Variants in RNF216 observed in about 807,000 individuals in gnomAD.
RNF216 encodes ring finger protein 216.
RNF216 carries 72 observed loss-of-function variants against 110.8 expected under a neutral mutation model. That is an observed-to-expected ratio of 0.65 (90% CI 0.54 to 0.79). RNF216 has a LOEUF of 0.79. Among genes scored for constraint, RNF216 ranks in the 30% least tolerant of loss-of-function variants. The probability of loss-of-function intolerance (pLI) is 0.00; values close to 1 mark genes in which losing one functional copy is unlikely to be tolerated. For missense variants in RNF216, 1,342 were observed against 1,141.2 expected, an observed-to-expected ratio of 1.18 and a Z score of -2.54; for synonymous variants, 495 against 407.5, an observed-to-expected ratio of 1.21 and a Z score of -2.59.
At chr7:5,662,266 G>A (rs921935440) in intron 13 of RNF216, among the ~76,000 whole-genome samples, 1 of 152,226 alleles carries the variant, frequency 6.6e-6, no homozygotes. Context: ...GTGTGAGGAA[G>A]TAGCTGTTCC....
intron 5 of RNF216, among the ~76,000 whole-genome samples, chr7:5,737,168 T>A (rs1158517348): frequency 6.6e-6 from 1 of 152,364 alleles, no homozygotes; most frequent in South Asian, 2.1e-4. Flanking sequence ...TCCATTTTGT[T>A]CTGTACTAAG....
At chr7:5,632,371 C>A (rs539295809) in intron 15 of RNF216, among the ~76,000 whole-genome samples, 1 of 152,198 alleles carries the variant, frequency 6.6e-6, no homozygotes, top group African/African-American at 2.4e-5. Context: ...TCCTTCTGGC[C>A]CCTCCTAATC....
chr7:5,779,890 G>A (rs188717925), intron 1 of RNF216: 6 of 151,162 alleles, frequency 4.0e-5, no homozygotes, highest in East Asian at 1.9e-4. Flanking sequence ...AGGAGCTGAC[G>A]GGACATACTA....
At chr7:5,701,832 G>T (rs184485277) in intron 13 of RNF216, among the ~76,000 whole-genome samples, 6 of 152,284 alleles carry the variant, frequency 3.9e-5, no homozygotes, top group African/African-American at 1.4e-4. Flanking sequence ...GGCTTCAAAA[G>T]AACTGTTGAA....
intron 1 of RNF216, among the ~76,000 whole-genome samples, chr7:5,766,142 T>C (rs1796196750): frequency 6.6e-6 from 1 of 151,600 alleles, no homozygotes; most frequent in Non-Finnish European, 1.5e-5. Context: ...ATTAAAAAAC[T>C]AGCTGCGCGG....
At position 5,748,602 on chromosome 7, in the gene RNF216, TTA is replaced by T. The variant is rs914308002; in HGVS notation, c.201+4242_201+4243del. On this transcript the variant is annotated intron_variant, in intron 3 of 16. Transcript: ENST00000389902. ...TTATTATAAGAATGCAGTATATTTT[TTA>T]TATACATACACACACACACACACAC... is the stretch of plus-strand genomic sequence containing the variant. Among the ~76,000 whole-genome samples, 16 of 123,182 alleles carry T rather than the reference TTA, an allele frequency of 1.3e-4. No homozygotes were observed. In the East Asian group the frequency reaches 2.2e-3, roughly 17 times the overall value. 80.8% of individuals were successfully genotyped at this position (123,182 alleles called of 152,430 possible). A position where few individuals can be genotyped will look rare whatever the true frequency, so the allele number is the denominator to read the frequency against.
rs1000799876 is a variant in RNF216 at position 5,622,619 on chromosome 7, G to A, written c.*241C>T. 4.2e-5 allele frequency: 21 copies of A among 505,972 alleles called. No homozygotes were observed. The highest frequency in any genetic ancestry group is 1.9e-4 in the East Asian group (6 of 31,794). The allele number at this position is 505,972 out of a possible 1,614,324, so 31.3% of individuals were successfully genotyped here. A position where few individuals can be genotyped will look rare whatever the true frequency, so the allele number is the denominator to read the frequency against. Reference sequence around the variant, plus strand: ...GCCGTTGGTGGCCTGGGGGATGCGAGGGGAGGGGCAGTTCACATCGCAGCT... The same window carrying A: ...GCCGTTGGTGGCCTGGGGGATGCGAAGGGAGGGGCAGTTCACATCGCAGCT... On this transcript the variant is annotated 3_prime_UTR_variant, in exon 17 of 17. Coordinates refer to ENST00000389902, the MANE Select transcript of RNF216 (RefSeq NM_207111.4).
At chr7:5,698,827 C>T (rs1478163647) in intron 13 of RNF216, among the ~76,000 whole-genome samples, 8 of 152,174 alleles carry the variant, frequency 5.3e-5, no homozygotes, top group African/African-American at 1.9e-4. Flanking sequence ...GGATGAAGAG[C>T]TCTTTAACCT....
chr7:5,778,295 C>G (rs1796893639), intron 1 of RNF216, among the ~76,000 whole-genome samples: 2 of 152,192 alleles, frequency 1.3e-5, no homozygotes, highest in Admixed American at 6.6e-5. Context: ...CTAAACTACT[C>G]TTCTTCACTG....
intron 13 of RNF216, among the ~76,000 whole-genome samples, chr7:5,687,840 A>C (rs1401177253): frequency 6.6e-6 from 1 of 152,202 alleles, no homozygotes; most frequent in Non-Finnish European, 1.5e-5. Context: ...CAGACAACCC[A>C]GTGGGTGAGG....
chr7:5,641,162 C>T lies in RNF216; in HGVS notation c.2374G>A (p.Asp792Asn), dbSNP rs1012568298. 12 of 1,611,828 alleles carry T rather than the reference C, an allele frequency of 7.4e-6. No individual in the cohort carries two copies. The highest frequency in any genetic ancestry group is 1.7e-5 in the Admixed American group (1 of 59,930). ...GCCATGTGTCTACTTACAGTGGGAT[C>T]GGTCCAGAGAGAGCATCTTGAACAC... Reference protein sequence around the residue: ...QECSRCSLWTDPTEDDEKLIE... With the variant: ...QECSRCSLWTNPTEDDEKLIE... Residue 792 changes from aspartate (D) to asparagine (N), a missense_variant, in exon 15 of 17, where the codon GAT becomes AAT. Transcript: ENST00000389902.
chr7:5,676,200 T>G (rs755840464), intron 13 of RNF216, among the ~76,000 whole-genome samples: 8 of 151,530 alleles, frequency 5.3e-5, no homozygotes, highest in Admixed American at 2.0e-4. Context: ...TTAGGAGAGA[T>G]AGGGTTTTGC....
rs1468069520 is a variant in RNF216, at chr7:5,741,637, G to C, written c.380C>G (p.Ser127Cys). ...PLFDSGAQDD[S>C]EDDYGEFLDL... ...CAGAAATTCACCGTAGTCATCCTCA[G>C]AATCATCCTGTGCCCCAGAATCAAA... The change falls in exon 4 of 17, where the codon TCT (serine) becomes TGT (cysteine). Residue 127 changes from serine (S) to cysteine (C), a missense_variant. Transcript: ENST00000389902. 6.2e-7 allele frequency: 1 copy of C among 1,614,028 alleles called. No individual in the cohort carries two copies. The highest frequency in any genetic ancestry group is 1.7e-5 in the Admixed American group (1 of 59,982).
At chr7:5,665,835 C>T (rs942490751) in intron 13 of RNF216, among the ~76,000 whole-genome samples, 13 of 151,992 alleles carry the variant, frequency 8.6e-5, no homozygotes, top group Admixed American at 5.2e-4. Context: ...ATCAGCAACG[C>T]CTAGGCAATG....
chr7:5,672,325 A>T (rs1044107252), intron 13 of RNF216, among the ~76,000 whole-genome samples: 1 of 152,234 alleles, frequency 6.6e-6, no homozygotes, highest in Non-Finnish European at 1.5e-5. Flanking sequence ...TCTTGTAGTT[A>T]TATCAGTTAC....
chr7:5,660,265 C>CTTTTTTTTTTTTTTTTTT lies in RNF216; in HGVS notation c.2062-7773_2062-7756dup, dbSNP rs66617363. Among the ~76,000 whole-genome samples, 4 of 33,648 alleles carry CTTTTTTTTTTTTTTTTTT rather than the reference C, an allele frequency of 1.2e-4. 1 individual carries two copies. Among genetic ancestry groups the CTTTTTTTTTTTTTTTTTT allele is most frequent in the Non-Finnish European group, 2.4e-4 (4 of 16,336 alleles). The allele number at this position is 33,648 out of a possible 152,430, so 22.1% of individuals were successfully genotyped here. On this transcript the variant is annotated intron_variant, in intron 13 of 16. Coordinates refer to ENST00000389902, the MANE Select transcript of RNF216 (RefSeq NM_207111.4). ...ACAGAGCCCGGCCCTGTTTTAAATT[C>CTTTTTTTTTTTTTTTTTT]TTTTTTTTTTTTTTTTTTTTTTTTT...
chr7:5,778,568 G>A (rs1359312915), intron 1 of RNF216, among the ~76,000 whole-genome samples: 5 of 152,098 alleles, frequency 3.3e-5, no homozygotes, highest in Admixed American at 6.6e-5. Flanking sequence ...ATAGCATATC[G>A]GATGGCACAG....
chr7:5,706,884 G>C (rs59495898), intron 13 of RNF216, among the ~76,000 whole-genome samples: 2 of 152,128 alleles, frequency 1.3e-5, no homozygotes, highest in Admixed American at 1.3e-4. Context: ...TTTTCTTCTA[G>C]TTTTTATAGT....
In RNF216 at chr7:5,711,804, C is replaced by A; in HGVS notation, c.2018G>T (p.Ser673Ile). 3 of 1,614,026 alleles carry A rather than the reference C, an allele frequency of 1.9e-6. No individual in the cohort carries two copies. Among genetic ancestry groups the A allele is most frequent in the Non-Finnish European group, 2.5e-6 (3 of 1,179,964 alleles). ...AGGACAGCTGAACCTCTTCACATCACTGTCCAACAGAGCCGGAAAGCTACA... is the reference window on the plus strand; with the variant it reads ...AGGACAGCTGAACCTCTTCACATCAATGTCCAACAGAGCCGGAAAGCTACA... ...PSCSFPALLD[S>I]DVKRFSCPNP... is the part of the protein sequence containing the mutation. The change falls in exon 13 of 17, where the codon AGT becomes ATT. Residue 673 changes from serine (S) to isoleucine (I), a missense_variant. Transcript: ENST00000389902.
Sources: gnomAD v4.1 joint callset for allele counts (sites outside exome capture counted in the v4.1 genomes callset) on GRCh38, gnomAD v4.1.1 for gene constraint, MANE v1.5 for transcripts, NCBI Gene and HGNC (gene_info 2026-07-23, HGNC 2026-07-21) for gene names.